The following COBL variants were observed in gnomAD, a reference collection of about 807,000 sequenced individuals.
The protein encoded by COBL is cordon-bleu WH2 repeat protein, also known as protein cordon-bleu.
A neutral mutation model predicts 98.8 loss-of-function variants in COBL; 51 were observed. The observed-to-expected ratio is 0.52, with a 90% CI of 0.41 to 0.65. The LOEUF (loss-of-function observed/expected upper bound fraction) is 0.65. Among genes scored for constraint, COBL ranks in the 30% least tolerant of loss-of-function variants. The pLI is 0.00. For synonymous variants in COBL, 634 were observed against 651.7 expected, an observed-to-expected ratio of 0.97 and a Z score of 0.41; for missense variants, 1,617 against 1,617.5, an observed-to-expected ratio of 1.00 and a Z score of 0.01.
At chr7:51,177,888 T>C (rs188253390) in intron 5 of COBL, among the ~76,000 whole-genome samples, 2 of 152,248 alleles carry the variant, frequency 1.3e-5, no homozygotes, top group East Asian at 3.9e-4. Flanking sequence ...CTCATGCCTG[T>C]AATCCCAGCA....
intron 1 of COBL, among the ~76,000 whole-genome samples, chr7:51,223,988 T>C (rs1793917639): frequency 6.6e-6 from 1 of 152,248 alleles, no homozygotes; most frequent in Admixed American, 6.5e-5. Flanking sequence ...GGTAGTCCCC[T>C]AAGACTGTAA....
intron 6 of COBL, among the ~76,000 whole-genome samples, chr7:51,123,213 CT>C (rs1329194472): frequency 6.6e-6 from 1 of 152,156 alleles, no homozygotes; most frequent in Non-Finnish European, 1.5e-5. Context: ...CTGAGCAAAA[CT>C]GACAGATATA....
intron 5 of COBL, among the ~76,000 whole-genome samples, chr7:51,153,585 C>T (rs1785788949): frequency 6.6e-6 from 1 of 152,178 alleles, no homozygotes; most frequent in African/African-American, 2.4e-5. Flanking sequence ...CATAGATAGG[C>T]TTCTCTTCTC....
intron 5 of COBL, among the ~76,000 whole-genome samples, chr7:51,146,175 CT>C (rs1444323478): frequency 6.6e-6 from 1 of 152,220 alleles, no homozygotes; most frequent in Non-Finnish European, 1.5e-5. Context: ...CTTCTGTCTT[CT>C]TCAAAAAGTG....
intron 6 of COBL, among the ~76,000 whole-genome samples, chr7:51,096,482 A>G (rs1795280320): frequency 6.6e-6 from 1 of 152,094 alleles, no homozygotes; most frequent in Admixed American, 6.5e-5. Context: ...TTAAACCAAC[A>G]TTTAATAGAA....
In COBL at chr7:51,028,326, C is replaced by T. The variant is rs1449850541; in HGVS notation, c.2770G>A (p.Gly924Arg). 1 of 1,614,148 alleles carries T rather than the reference C, an allele frequency of 6.2e-7. No homozygotes were observed. The highest frequency in any genetic ancestry group is 1.7e-5 in the Admixed American group (1 of 60,016). ...RTSSPHSETQGWKDGAQWPCV... is the reference protein window; with the variant it reads ...RTSSPHSETQRWKDGAQWPCV... ...GGCCACTGGGCACCATCCTTCCATC[C>T]TTGTGTCTCTGAGTGTGGGCTGGAT... Residue 924 changes from glycine to arginine, a missense_variant, in exon 10 of 13, where the codon GGA becomes AGA. Physicochemically the swap from Gly to Arg is moderately radical, Grantham distance 125. Coordinates refer to ENST00000265136, the MANE Select transcript of COBL (RefSeq NM_015198.5).
intron 1 of COBL, among the ~76,000 whole-genome samples, chr7:51,230,079 C>A (rs543095890): frequency 2.0e-5 from 3 of 152,150 alleles, no homozygotes; most frequent in African/African-American, 7.2e-5. Context: ...CTCGCTCCCC[C>A]AGCAGGGAAG....
chr7:51,078,192 G>A lies in COBL; in HGVS notation c.1096+6974C>T, dbSNP rs929028872. Among the ~76,000 whole-genome samples the A allele has an allele frequency of 1.4e-4, 21 of 152,276 alleles. No individual in the cohort carries two copies. The East Asian group carries it at 4.0e-3, about 29-fold the overall frequency. On this transcript the variant is annotated intron_variant, in intron 7 of 12. Coordinates refer to ENST00000265136, the MANE Select transcript of COBL (RefSeq NM_015198.5). The stretch of plus-strand genomic sequence containing the variant: ...TCATTCCATTCTTGCCAAAGAATTG[G>A]GTCAGTGTATTACTCAATTGTAGTC...
At chr7:51,279,861 C>T (rs117565342) in intron 1 of COBL, among the ~76,000 whole-genome samples, 2,274 of 152,312 alleles carry the variant, frequency 0.015, 26 homozygotes, top group Non-Finnish European at 0.024. Flanking sequence ...TGGAATCATA[C>T]AGCATGTGGC....
At chr7:51,142,318 T>C (rs1390606715) in intron 5 of COBL, among the ~76,000 whole-genome samples, 3 of 151,946 alleles carry the variant, frequency 2.0e-5, no homozygotes, top group Non-Finnish European at 2.9e-5. Flanking sequence ...AGCTCTCTGA[T>C]GGTTTCTCGC....
In COBL at chr7:51,028,155, A is replaced by T; in HGVS notation, c.2941T>A (p.Ser981Thr). 6.2e-7 allele frequency: 1 copy of T among 1,614,246 alleles called. No individual in the cohort carries two copies. Among genetic ancestry groups the T allele is most frequent in the African/African-American group, 1.3e-5 (1 of 75,068 alleles). Residue 981 changes from serine (S) to threonine (T), a missense_variant, in exon 10 of 13, where the codon TCT becomes ACT. By Grantham distance (58) the Ser-to-Thr change is moderately conservative. Coordinates refer to ENST00000265136, the MANE Select transcript of COBL (RefSeq NM_015198.5). ...HRSSCFSLVQSSQRDRVSVGQ... is the reference protein window; with the variant it reads ...HRSSCFSLVQTSQRDRVSVGQ... ...ACAGAAACACGATCCCTCTGGGAAG[A>T]CTGAACCAGTGAGAAACAGGAGCTT...
intron 1 of COBL, among the ~76,000 whole-genome samples, chr7:51,235,279 C>T (rs117718984): frequency 0.02 from 2,999 of 152,232 alleles, 57 homozygotes; most frequent in Middle Eastern, 0.034. Context: ...GGAGGACGGG[C>T]GATTCCTTGA....
intron 8 of COBL, among the ~76,000 whole-genome samples, chr7:51,038,132 G>A (rs1397285832): frequency 3.3e-5 from 5 of 152,190 alleles, no homozygotes; most frequent in African/African-American, 4.8e-5. Flanking sequence ...GAGTACAGGC[G>A]TGAGCCCAAC....
At position 51,088,109 on chromosome 7, in the gene COBL, G is replaced by A. The variant is rs139896163; in HGVS notation, c.958-2805C>T. ...GCTTCTGAGTCCTTCCTGCTGGGAA[G>A]TTTCATGATGGCAAGTGCTGGGTGG... On this transcript the variant is annotated intron_variant, in intron 6 of 12. Coordinates refer to ENST00000265136, the MANE Select transcript of COBL (RefSeq NM_015198.5). Among the ~76,000 whole-genome samples the A allele has an allele frequency of 4.7e-3, 708 of 152,216 alleles. 6 individuals carry two copies. Among genetic ancestry groups the A allele is most frequent in the Middle Eastern group, 0.02 (6 of 294 alleles).
At chr7:51,190,437 A>C (rs1179840202) in intron 4 of COBL, among the ~76,000 whole-genome samples, 11 of 152,068 alleles carry the variant, frequency 7.2e-5, no homozygotes, top group Non-Finnish European at 7.4e-5. Context: ...GCTGGTCTTG[A>C]ACTCCTGAGC....
At chr7:51,297,254 T>C (rs1801497900) in intron 1 of COBL, among the ~76,000 whole-genome samples, 1 of 152,138 alleles carries the variant, frequency 6.6e-6, no homozygotes, top group Non-Finnish European at 1.5e-5. Flanking sequence ...ATGTGGTAGG[T>C]GAAATAGGCA....
chr7:51,051,171 A>C (rs2128896836), intron 7 of COBL, among the ~76,000 whole-genome samples: 1 of 152,304 alleles, frequency 6.6e-6, no homozygotes, highest in African/African-American at 2.4e-5. Context: ...TTCAGATGAA[A>C]ATCCTTCTTC....
intron 2 of COBL, among the ~76,000 whole-genome samples, chr7:51,205,098 T>C (rs758816696): frequency 6.6e-6 from 1 of 152,186 alleles, no homozygotes; most frequent in Non-Finnish European, 1.5e-5. Context: ...CAAAAAGATC[T>C]ACAGATTCAA....
At chr7:51,203,440 C>A (rs1282199101) in intron 2 of COBL, among the ~76,000 whole-genome samples, 1 of 88,862 alleles carries the variant, frequency 1.1e-5, no homozygotes, top group South Asian at 3.6e-4. Context: ...CCAGCCTGGG[C>A]GACAGAGCGA....
Sources: allele counts gnomAD v4.1 joint callset (sites outside exome capture counted in the v4.1 genomes callset), GRCh38; gene constraint gnomAD v4.1.1; transcripts MANE v1.5; gene names NCBI Gene and HGNC (gene_info 2026-07-23, HGNC 2026-07-21).